The following DGKH variants were observed in gnomAD, a reference collection of about 807,000 sequenced individuals.
The protein encoded by DGKH is DAG kinase eta.
DGKH carries 90 observed loss-of-function variants against 159.3 expected under a neutral mutation model. That is an observed-to-expected ratio of 0.57 (90% confidence interval 0.48 to 0.67). The LOEUF is 0.67. DGKH is among the 30% of genes least tolerant of loss of function. The probability of loss-of-function intolerance (pLI) is 0.00; values close to 1 mark genes in which losing one functional copy is unlikely to be tolerated. For missense variants in DGKH, 1,181 were observed against 1,506.1 expected, an observed-to-expected ratio of 0.78 and a Z score of 3.57; for synonymous variants, 536 against 553.8, an observed-to-expected ratio of 0.97 and a Z score of 0.45.
At chr13:42,174,293 C>A in intron 12 of DGKH, 149 bp downstream of exon 12, 1 of 642,234 alleles carries the variant, frequency 1.6e-6, no homozygotes, top group Non-Finnish European at 2.6e-6. Flanking sequence ...TGACTGACTA[C>A]CTCTAGTCCT....
intron 16 of DGKH, among the ~76,000 whole-genome samples, chr13:42,191,006 T>A (rs1244096698): frequency 6.6e-6 from 1 of 152,214 alleles, no homozygotes. Context: ...TTCAAAATCA[T>A]AGGACTTTAA....
chr13:42,226,969 A>G (rs1594245241), intron 29 of DGKH, among the ~76,000 whole-genome samples: 1 of 152,188 alleles, frequency 6.6e-6, no homozygotes. Flanking sequence ...AGGGACATGG[A>G]TGGAGCTGGA....
chr13:42,065,717 T>C (rs1462164699), intron 1 of DGKH, among the ~76,000 whole-genome samples: 2 of 152,024 alleles, frequency 1.3e-5, no homozygotes, highest in African/African-American at 4.8e-5. Context: ...TAGGAAATAC[T>C]TGGGTGAGGA....
At chr13:42,199,728 A>T in intron 19 of DGKH, 52 bp downstream of exon 19, 1 of 1,556,888 alleles carries the variant, frequency 6.4e-7, no homozygotes, top group Non-Finnish European at 8.7e-7. Flanking sequence ...TTTTTTCTTC[A>T]TTTATTATGT....
chr13:42,255,010 A>G (rs1365986318), intron 30 of DGKH, among the ~76,000 whole-genome samples: 1 of 152,114 alleles, frequency 6.6e-6, no homozygotes, highest in Non-Finnish European at 1.5e-5. Context: ...CTAATTGTTG[A>G]AAATATCTTG....
chr13:42,209,316 T>C lies in DGKH; in HGVS notation c.2716-15T>C. On this transcript the variant is annotated splice_polypyrimidine_tract_variant and intron_variant, in intron 22 of 29. Coordinates refer to ENST00000337343, the MANE Select transcript of DGKH (RefSeq NM_178009.5). ...CTGGATGATTTGTACTCTAAAATGA[T>C]TTGTTTTATTTCAGTGCCGTACAGT... 1.3e-6 allele frequency: 2 copies of C among 1,595,340 alleles called. No homozygotes were observed. Among genetic ancestry groups the C allele is most frequent in the South Asian group, 2.3e-5 (2 of 86,624 alleles).
intron 1 of DGKH, among the ~76,000 whole-genome samples, chr13:42,062,294 A>G (rs2137669622): frequency 6.6e-6 from 1 of 152,270 alleles, no homozygotes; most frequent in South Asian, 2.1e-4. Context: ...TTATTTATAT[A>G]CCATTATTTC....
chr13:42,090,968 CAG>C (rs1313211341), intron 1 of DGKH, among the ~76,000 whole-genome samples: 5 of 152,184 alleles, frequency 3.3e-5, no homozygotes, highest in African/African-American at 1.2e-4. Context: ...ACCTTGGAAG[CAG>C]AGAGAGCAGC....
intron 21 of DGKH, among the ~76,000 whole-genome samples, chr13:42,206,574 C>A (rs1957476214): frequency 6.6e-6 from 1 of 152,180 alleles, no homozygotes; most frequent in Non-Finnish European, 1.5e-5. Flanking sequence ...GAGACTGGCA[C>A]AGTCTTACTG....
intron 1 of DGKH, among the ~76,000 whole-genome samples, chr13:42,041,314 G>T (rs1566070195): frequency 6.6e-6 from 1 of 152,188 alleles, no homozygotes; most frequent in East Asian, 1.9e-4. Context: ...TCGAGACCGC[G>T]CCCTGGTCGT....
chr13:42,221,861 C>T (rs1566210328), intron 29 of DGKH, among the ~76,000 whole-genome samples: 1 of 152,206 alleles, frequency 6.6e-6, no homozygotes, highest in Non-Finnish European at 1.5e-5. Flanking sequence ...TAGAATCTTA[C>T]AATTTGTTGT....
intron 13 of DGKH, among the ~76,000 whole-genome samples, chr13:42,180,433 A>G (rs991438307): frequency 6.6e-6 from 1 of 152,244 alleles, no homozygotes; most frequent in African/African-American, 2.4e-5. Context: ...GGATATGGAA[A>G]GAAGGCCTGT....
At chr13:42,111,377 C>T (rs1025634464) in intron 1 of DGKH, among the ~76,000 whole-genome samples, 9 of 152,060 alleles carry the variant, frequency 5.9e-5, no homozygotes, top group African/African-American at 1.9e-4. Context: ...GTCAGGAGTT[C>T]GAGACCAGCC....
At chr13:42,109,669 TGC>T (rs1410916375) in intron 1 of DGKH, among the ~76,000 whole-genome samples, 8 of 148,256 alleles carry the variant, frequency 5.4e-5, no homozygotes, top group East Asian at 1.9e-4. Flanking sequence ...TGCGTGTGTG[TGC>T]GTGTGTGTGT....
At chr13:42,113,218 T>C (rs1379630382) in intron 1 of DGKH, among the ~76,000 whole-genome samples, 1 of 152,198 alleles carries the variant, frequency 6.6e-6, no homozygotes, top group African/African-American at 2.4e-5. Flanking sequence ...CTTAATGATA[T>C]TAGTTAAAGG....
intron 1 of DGKH, among the ~76,000 whole-genome samples, chr13:42,059,293 A>C (rs552259751): frequency 6.6e-6 from 1 of 151,484 alleles, no homozygotes; most frequent in African/African-American, 2.4e-5. Context: ...TCTGTTGCCC[A>C]GGCTGGAGTG....
chr13:42,202,305 C>T (rs561719953), intron 20 of DGKH, among the ~76,000 whole-genome samples: 2 of 152,162 alleles, frequency 1.3e-5, no homozygotes, highest in Non-Finnish European at 2.9e-5. Context: ...ATTCATTTTT[C>T]TGATGATGGT....
chr13:42,251,570 CCT>C (rs1405529915), intron 29 of DGKH, among the ~76,000 whole-genome samples: 6 of 152,196 alleles, frequency 3.9e-5, no homozygotes, highest in Non-Finnish European at 5.9e-5. Context: ...TCCAAGCTCT[CCT>C]CTGATTTCTC....
upstream of DGKH, among the ~76,000 whole-genome samples, chr13:42,046,297 GA>G (rs946609937): frequency 5.3e-5 from 8 of 152,330 alleles, no homozygotes; most frequent in African/African-American, 1.9e-4. Context: ...GAAATGGTTG[GA>G]AAGATTGAGA....
Sources: allele counts gnomAD v4.1 joint callset (sites outside exome capture counted in the v4.1 genomes callset), GRCh38; gene constraint gnomAD v4.1.1; transcripts MANE v1.5; gene names NCBI Gene and HGNC (gene_info 2026-07-23, HGNC 2026-07-21).